The following KCNH8 variants were observed in gnomAD, a reference collection of about 807,000 sequenced individuals.
KCNH8 encodes potassium voltage-gated channel subfamily H member 8, also known as voltage-gated delayed rectifier potassium channel KCNH8.
In KCNH8, 70 loss-of-function variants were observed where a neutral mutation model predicts 103.6. The ratio of observed to expected loss-of-function variants is 0.68; its 90% CI spans 0.56 to 0.82. The LOEUF (loss-of-function observed/expected upper bound fraction) is 0.82. Ranked by LOEUF, KCNH8 falls within the 40% of genes least tolerant of loss-of-function variation. The probability of loss-of-function intolerance (pLI) is 0.00; values close to 1 mark genes in which losing one functional copy is unlikely to be tolerated. For synonymous variants in KCNH8, 498 were observed against 489.4 expected (o/e 1.02, Z -0.23); for missense variants, 1,217 against 1,329.9 (o/e 0.92, Z 1.32).
intron 7 of KCNH8, among the ~76,000 whole-genome samples, chr3:19,419,914 T>G (rs2066925894): frequency 6.6e-6 from 1 of 152,152 alleles, no homozygotes; most frequent in Admixed American, 6.5e-5. Flanking sequence ...ATACTTAAAA[T>G]TTGCCTTTGG....
intron 11 of KCNH8, among the ~76,000 whole-genome samples, chr3:19,481,400 T>TA (rs914211861): frequency 8.8e-4 from 134 of 152,228 alleles, no homozygotes; most frequent in African/African-American, 3.1e-3. Flanking sequence ...GTCTTTTTTT[T>TA]AAAAAAGTTA....
In KCNH8 at chr3:19,429,453, C is replaced by T. The variant is rs1009288825; in HGVS notation, c.1178-8711C>T. Among the ~76,000 whole-genome samples the T allele has an allele frequency of 3.3e-5, 5 of 152,258 alleles. No individual in the cohort carries two copies. The East Asian group carries it at 5.8e-4, about 18-fold the overall frequency. On this transcript the variant is annotated intron_variant, in intron 7 of 15. Transcript: ENST00000328405. ...CCTCCCAAAGTGCTGGGATTACAGG[C>T]GTGAGCCACCGCGCCCGGCCGGAAT...
At chr3:19,456,728 G>GTT (rs536041267) in intron 10 of KCNH8, 40 bp from the exon 11 acceptor site, 140 of 1,322,110 alleles carry the variant, frequency 1.1e-4, no homozygotes, top group South Asian at 2.1e-4. Context: ...TCCTAAGCTT[G>GTT]CTTTTTTTTT....
At chr3:19,464,142 A>G (rs953219226) in intron 11 of KCNH8, among the ~76,000 whole-genome samples, 1 of 152,142 alleles carries the variant, frequency 6.6e-6, no homozygotes, top group East Asian at 1.9e-4. Context: ...CACACTAACA[A>G]AACTTTAGAA....
chr3:19,310,092 A>G (rs1374193584), intron 3 of KCNH8, among the ~76,000 whole-genome samples: 4 of 152,116 alleles, frequency 2.6e-5, no homozygotes, highest in African/African-American at 9.6e-5. Flanking sequence ...TGCTCCTAGC[A>G]TTGTACCTGA....
intron 7 of KCNH8, among the ~76,000 whole-genome samples, chr3:19,395,768 A>T (rs546761317): frequency 3.2e-4 from 49 of 152,158 alleles, no homozygotes; most frequent in Admixed American, 2.8e-3. Context: ...GGAGAGAGAG[A>T]GTGTGTGAGA....
At chr3:19,439,964 G>A (rs188182288) in intron 8 of KCNH8, among the ~76,000 whole-genome samples, 8 of 151,264 alleles carry the variant, frequency 5.3e-5, no homozygotes, top group African/African-American at 1.9e-4. Flanking sequence ...GGGAGGAGAG[G>A]GAGAGAGATA....
intron 3 of KCNH8, among the ~76,000 whole-genome samples, chr3:19,294,642 A>G (rs560305146): frequency 1.5e-4 from 23 of 152,320 alleles, no homozygotes; most frequent in African/African-American, 5.5e-4. Flanking sequence ...TTAAAAAATG[A>G]TCTTTGGAGT....
chr3:19,401,360 A>G (rs1272212081), intron 7 of KCNH8, among the ~76,000 whole-genome samples: 2 of 151,974 alleles, frequency 1.3e-5, no homozygotes, highest in Non-Finnish European at 2.9e-5. Context: ...TACTTTTTCA[A>G]TCCCCAACAC....
intron 8 of KCNH8, among the ~76,000 whole-genome samples, chr3:19,443,911 AT>A (rs1260651567): frequency 5.9e-5 from 9 of 152,124 alleles, no homozygotes; most frequent in Non-Finnish European, 1.0e-4. Flanking sequence ...TACAATGGTG[AT>A]GGTTGCTAAC....
chr3:19,485,264 C>A (rs1467627872), intron 11 of KCNH8, among the ~76,000 whole-genome samples: 1 of 152,164 alleles, frequency 6.6e-6, no homozygotes, highest in Non-Finnish European at 1.5e-5. Context: ...CCTCCACCTA[C>A]CTAGAGTAAG....
At chr3:19,301,992 G>A (rs569819537) in intron 3 of KCNH8, among the ~76,000 whole-genome samples, 6 of 152,310 alleles carry the variant, frequency 3.9e-5, no homozygotes, top group South Asian at 2.1e-4. Flanking sequence ...CACCAGACTC[G>A]TGGCACATGG....
intron 7 of KCNH8, among the ~76,000 whole-genome samples, chr3:19,405,281 A>AT (rs1350307202): frequency 2.0e-5 from 3 of 151,686 alleles, no homozygotes; most frequent in Non-Finnish European, 4.4e-5. Flanking sequence ...AATGGGATCT[A>AT]TTTTTCATTG....
rs191977756 is a variant in KCNH8 at position 19,191,475 on chromosome 3, A to G, written c.76+42680A>G. On this transcript the variant is annotated intron_variant, in intron 1 of 15. Coordinates refer to ENST00000328405, the MANE Select transcript of KCNH8 (RefSeq NM_144633.3). ...TTAGCATAGTTCTTATCAGTTTAAG[A>G]ATTAACTAATGGGCAGATTTTGTTT... Among the ~76,000 whole-genome samples the G allele has an allele frequency of 5.7e-3, 863 of 151,990 alleles. 12 individuals are homozygous for G. The highest frequency in any genetic ancestry group is 0.019 in the African/African-American group (777 of 41,542).
intron 3 of KCNH8, among the ~76,000 whole-genome samples, chr3:19,303,431 G>A (rs568272159): frequency 6.6e-6 from 1 of 152,282 alleles, no homozygotes; most frequent in Admixed American, 6.5e-5. Context: ...AGCGGCAGTG[G>A]AAAGAGCTAA....
intron 5 of KCNH8, among the ~76,000 whole-genome samples, chr3:19,362,079 A>T (rs757227245): frequency 6.6e-6 from 1 of 152,168 alleles, no homozygotes; most frequent in African/African-American, 2.4e-5. Flanking sequence ...TCAATCAATA[A>T]TGATGATTAT....
intron 3 of KCNH8, among the ~76,000 whole-genome samples, chr3:19,294,667 G>A (rs1447936395): frequency 1.3e-5 from 2 of 152,026 alleles, no homozygotes; most frequent in African/African-American, 4.8e-5. Flanking sequence ...ACACATATTC[G>A]CTAATGTCTT....
chr3:19,392,800 C>G (rs1261108653), intron 6 of KCNH8, among the ~76,000 whole-genome samples: 1 of 151,952 alleles, frequency 6.6e-6, no homozygotes. Context: ...ATGAATAAGA[C>G]ATAGGAATGT....
At chr3:19,506,656 T>A (rs2068699878) in intron 11 of KCNH8, among the ~76,000 whole-genome samples, 1 of 152,144 alleles carries the variant, frequency 6.6e-6, no homozygotes, top group African/African-American at 2.4e-5. Context: ...TGGAGTGAGC[T>A]CAGGCTTTAT....
Sources: allele counts gnomAD v4.1 joint callset (sites outside exome capture counted in the v4.1 genomes callset), GRCh38; gene constraint gnomAD v4.1.1; transcripts MANE v1.5; gene names NCBI Gene and HGNC (gene_info 2026-07-23, HGNC 2026-07-21).